EYS: variants seen among roughly 807,000 people sequenced by gnomAD.
EYS encodes protein eyes shut homolog.
A neutral mutation model predicts 282.1 loss-of-function variants in EYS; 250 were observed. That is an observed-to-expected ratio of 0.89 (90% confidence interval 0.80 to 0.98). EYS has a LOEUF of 0.98. EYS is among the 50% of genes least tolerant of loss of function. The probability of loss-of-function intolerance (pLI) is 0.00; values close to 1 mark genes in which losing one functional copy is unlikely to be tolerated. For missense variants in EYS, 4,016 were observed against 3,709.0 expected, an observed-to-expected ratio of 1.08 and a Z score of -2.15; for synonymous variants, 1,355 against 1,282.9, an observed-to-expected ratio of 1.06 and a Z score of -1.20.
intron 14 of EYS, among the ~76,000 whole-genome samples, chr6:64,969,881 G>A (rs191113081): frequency 1.5e-3 from 227 of 152,238 alleles, no homozygotes; most frequent in African/African-American, 5.2e-3. Flanking sequence ...TTCAGTCTGT[G>A]ACCCCAGATG....
At chr6:64,812,465 C>T (rs1035204002) in intron 22 of EYS, among the ~76,000 whole-genome samples, 3 of 151,908 alleles carry the variant, frequency 2.0e-5, no homozygotes, top group African/African-American at 4.8e-5. Flanking sequence ...ATAAAAAATA[C>T]AGTAGATACC....
intron 2 of EYS, among the ~76,000 whole-genome samples, chr6:65,621,863 G>A (rs1241984981): frequency 6.6e-6 from 1 of 152,102 alleles, no homozygotes; most frequent in Non-Finnish European, 1.5e-5. Flanking sequence ...ACCAAATACA[G>A]ATAATCATAG....
intron 2 of EYS, among the ~76,000 whole-genome samples, chr6:65,525,414 C>T (rs9453319): frequency 0.39 from 59,757 of 151,984 alleles, 12,703 homozygotes; most frequent in African/African-American, 0.57. Flanking sequence ...GATTTTCCAG[C>T]CAAGTCACTT....
chr6:64,211,953 TA>T (rs1275192678), intron 31 of EYS, among the ~76,000 whole-genome samples: 1 of 151,482 alleles, frequency 6.6e-6, no homozygotes, highest in Non-Finnish European at 1.5e-5. Flanking sequence ...CCATCTCTAC[TA>T]AAAATATAAA....
intron 19 of EYS, among the ~76,000 whole-genome samples, chr6:64,833,186 A>G (rs1227514149): frequency 1.3e-5 from 2 of 151,906 alleles, no homozygotes; most frequent in Non-Finnish European, 2.9e-5. Flanking sequence ...CAATCTTTAC[A>G]TGGTAAAGTA....
chr6:65,530,555 A>T (rs879774010), intron 2 of EYS, among the ~76,000 whole-genome samples: 4 of 152,162 alleles, frequency 2.6e-5, no homozygotes, highest in Admixed American at 1.3e-4. Flanking sequence ...ATTATTATTT[A>T]AAAAAGCTTA....
rs1771229731 is a variant in EYS, at chr6:64,711,983, G to C, written c.3444-85738C>G. On this transcript the variant is annotated intron_variant, in intron 22 of 42. Transcript: ENST00000503581. ...AAGGGTAGGTATATGTAAAATAGGTGAAGGGTGGGGATTGATAAGAGGAAA... is the reference window on the plus strand; with the variant it reads ...AAGGGTAGGTATATGTAAAATAGGTCAAGGGTGGGGATTGATAAGAGGAAA... Among the ~76,000 whole-genome samples the C allele has an allele frequency of 4.6e-5, 7 of 152,338 alleles. No homozygotes were observed. In the South Asian group the frequency reaches 1.4e-3, roughly 32 times the overall value.
At chr6:64,962,704 C>T (rs934983525) in intron 14 of EYS, among the ~76,000 whole-genome samples, 4 of 152,024 alleles carry the variant, frequency 2.6e-5, no homozygotes, top group Non-Finnish European at 4.4e-5. Context: ...GCTGTGATCA[C>T]ACCATTGTAC....
intron 12 of EYS, among the ~76,000 whole-genome samples, chr6:65,075,427 T>C (rs1774020011): frequency 1.3e-5 from 2 of 152,062 alleles, no homozygotes; most frequent in Admixed American, 1.3e-4. Context: ...TATATATAAC[T>C]AACTTTTAAA....
At chr6:63,992,048 A>T (rs1462524596) in intron 34 of EYS, among the ~76,000 whole-genome samples, 2 of 151,850 alleles carry the variant, frequency 1.3e-5, no homozygotes, top group Non-Finnish European at 2.9e-5. Flanking sequence ...ATAAACAAAA[A>T]CTGAGGAATT....
chr6:65,502,466 A>G lies in EYS; in HGVS notation c.-332-6473T>C, dbSNP rs761009828. Among the ~76,000 whole-genome samples the G allele has an allele frequency of 7.2e-4, 109 of 151,854 alleles. 1 individual carries two copies. The highest frequency in any genetic ancestry group is 1.3e-3 in the Non-Finnish European group (89 of 67,708). ...AGTGCCGAATGTTCTCATGTGTACC[A>G]TATTGTCCAGTTTCTATGATTTTTA... On this transcript the variant is annotated intron_variant, in intron 2 of 42. Transcript: ENST00000503581.
intron 31 of EYS, among the ~76,000 whole-genome samples, chr6:64,208,329 A>G (rs543939124): frequency 6.6e-6 from 1 of 152,318 alleles, no homozygotes; most frequent in Non-Finnish European, 1.5e-5. Context: ...ATTATCCTAA[A>G]GCCATTTGTA....
intron 12 of EYS, among the ~76,000 whole-genome samples, chr6:65,139,260 G>A (rs756518418): frequency 1.3e-5 from 2 of 152,004 alleles, no homozygotes; most frequent in African/African-American, 2.4e-5. Flanking sequence ...CATAAAAAAA[G>A]AATGAGATCA....
intron 14 of EYS, among the ~76,000 whole-genome samples, chr6:64,976,392 A>C (rs1184452966): frequency 6.6e-6 from 1 of 151,850 alleles, no homozygotes; most frequent in South Asian, 2.1e-4. Context: ...ACATGAACTA[A>C]GTGGTTTATA....
At chr6:65,252,912 T>A (rs1767364032) in intron 12 of EYS, among the ~76,000 whole-genome samples, 1 of 151,946 alleles carries the variant, frequency 6.6e-6, no homozygotes, top group Non-Finnish European at 1.5e-5. Context: ...ATTATCCATC[T>A]AAATAGAGAA....
At chr6:64,668,660 G>A (rs1769324815) in intron 22 of EYS, among the ~76,000 whole-genome samples, 1 of 150,934 alleles carries the variant, frequency 6.6e-6, no homozygotes, top group African/African-American at 2.4e-5. Context: ...GGCCTTCTGG[G>A]TTCACACCAT....
intron 12 of EYS, among the ~76,000 whole-genome samples, chr6:65,115,120 G>T (rs1402904010): frequency 6.6e-6 from 1 of 151,630 alleles, no homozygotes; most frequent in Non-Finnish European, 1.5e-5. Flanking sequence ...TTGCATCTTT[G>T]CCTGCAAACT....
At chr6:65,140,831 G>T (rs997264893) in intron 12 of EYS, among the ~76,000 whole-genome samples, 2 of 149,206 alleles carry the variant, frequency 1.3e-5, no homozygotes, top group Admixed American at 6.7e-5. Flanking sequence ...TCATTAAAAA[G>T]TCAGGAAACA....
chr6:65,172,413 A>C (rs1765125727), intron 12 of EYS, among the ~76,000 whole-genome samples: 1 of 151,458 alleles, frequency 6.6e-6, no homozygotes, highest in Admixed American at 6.6e-5. Context: ...GAATGCTGAC[A>C]AATAGCATAT....
Sources: allele counts gnomAD v4.1 joint callset (sites outside exome capture counted in the v4.1 genomes callset), GRCh38; gene constraint gnomAD v4.1.1; transcripts MANE v1.5; gene names NCBI Gene and HGNC (gene_info 2026-07-23, HGNC 2026-07-21).